TOX: variants seen among roughly 807,000 people sequenced by gnomAD.
The protein encoded by TOX is thymocyte selection associated high mobility group box, also known as thymocyte selection-associated high mobility group box protein TOX.
TOX carries 11 observed loss-of-function variants against 53.7 expected under a neutral mutation model. The observed-to-expected ratio is 0.20, with a 90% CI of 0.13 to 0.34. The LOEUF is 0.34. TOX is among the 10% of genes least tolerant of loss of function. TOX has a pLI of 1.00. For missense variants in TOX, 570 were observed against 664.6 expected, an observed-to-expected ratio of 0.86 and a Z score of 1.56; for synonymous variants, 225 against 245.3, an observed-to-expected ratio of 0.92 and a Z score of 0.77.
intron 1 of TOX, among the ~76,000 whole-genome samples, chr8:59,069,419 A>G (rs545492027): frequency 2.8e-4 from 43 of 152,318 alleles, no homozygotes; most frequent in African/African-American, 1.0e-3. Flanking sequence ...GATGCAGGAT[A>G]TTGAATTATA....
At chr8:58,940,890 T>G (rs1812426424) in intron 2 of TOX, among the ~76,000 whole-genome samples, 1 of 152,154 alleles carries the variant, frequency 6.6e-6, no homozygotes, top group Admixed American at 6.5e-5. Context: ...TTTGTTTAGG[T>G]GCCATCAGAA....
chr8:59,049,335 C>T (rs1167118966), intron 1 of TOX, among the ~76,000 whole-genome samples: 13 of 152,094 alleles, frequency 8.5e-5, no homozygotes, highest in African/African-American at 3.1e-4. Flanking sequence ...CTCTCCTCTT[C>T]GTTGGATCAC....
intron 1 of TOX, among the ~76,000 whole-genome samples, chr8:59,002,369 G>A (rs1813705943): frequency 6.6e-6 from 1 of 151,380 alleles, no homozygotes; most frequent in Non-Finnish European, 1.5e-5. Flanking sequence ...GAGGAGGGCG[G>A]ATCACGAGGT....
At chr8:58,846,889 G>A (rs557827930) in intron 4 of TOX, among the ~76,000 whole-genome samples, 7 of 152,216 alleles carry the variant, frequency 4.6e-5, no homozygotes, top group Non-Finnish European at 8.8e-5. Flanking sequence ...ACATTCCCTT[G>A]TATGTGACCT....
At chr8:58,976,456 T>C (rs1017840942) in intron 1 of TOX, among the ~76,000 whole-genome samples, 8 of 152,234 alleles carry the variant, frequency 5.3e-5, no homozygotes, top group African/African-American at 1.7e-4. Flanking sequence ...GCTGCTTCTA[T>C]GGAAGTCTTG....
At chr8:58,885,163 T>C (rs1811444933) in intron 3 of TOX, among the ~76,000 whole-genome samples, 1 of 152,194 alleles carries the variant, frequency 6.6e-6, no homozygotes, top group African/African-American at 2.4e-5. Flanking sequence ...ATATGTGATG[T>C]ATATTTATTT....
At chr8:58,962,754 T>G (rs1223047883) in intron 1 of TOX, among the ~76,000 whole-genome samples, 1 of 152,164 alleles carries the variant, frequency 6.6e-6, no homozygotes, top group Non-Finnish European at 1.5e-5. Flanking sequence ...TGCAGGTATA[T>G]TATCCAGAAT....
At chr8:59,046,345 T>C (rs1487391338) in intron 1 of TOX, among the ~76,000 whole-genome samples, 1 of 152,264 alleles carries the variant, frequency 6.6e-6, no homozygotes, top group South Asian at 2.1e-4. Context: ...GATTTAAAAA[T>C]CCCTGTTATT....
intron 1 of TOX, among the ~76,000 whole-genome samples, chr8:59,031,198 G>A (rs1455474543): frequency 6.6e-6 from 1 of 152,132 alleles, no homozygotes; most frequent in Admixed American, 6.5e-5. Context: ...AGGCATTATA[G>A]AAAATAATAA....
At chr8:58,834,625 G>A (rs1330150547) in intron 5 of TOX, among the ~76,000 whole-genome samples, 1 of 152,222 alleles carries the variant, frequency 6.6e-6, no homozygotes, top group Non-Finnish European at 1.5e-5. Flanking sequence ...ATGCCCAAAT[G>A]TGCATTTCAG....
chr8:59,000,258 G>C (rs1335918249), intron 1 of TOX, among the ~76,000 whole-genome samples: 2 of 152,090 alleles, frequency 1.3e-5, no homozygotes, highest in African/African-American at 4.8e-5. Flanking sequence ...CAAATTGATT[G>C]GCAGCAAGGG....
intron 1 of TOX, among the ~76,000 whole-genome samples, chr8:58,969,825 A>G (rs553145738): frequency 1.1e-4 from 17 of 152,344 alleles, no homozygotes; most frequent in African/African-American, 3.6e-4. Context: ...CAAAACTGGA[A>G]GACTTGCTGG....
At chr8:58,849,612 C>T (rs1030436830) in intron 4 of TOX, among the ~76,000 whole-genome samples, 14 of 152,112 alleles carry the variant, frequency 9.2e-5, no homozygotes, top group Admixed American at 7.2e-4. Context: ...CTCTTCTACT[C>T]ATATAAGTGG....
intron 3 of TOX, among the ~76,000 whole-genome samples, chr8:58,883,724 T>C (rs1811423468): frequency 6.6e-6 from 1 of 151,840 alleles, no homozygotes; most frequent in South Asian, 2.1e-4. Flanking sequence ...TTCATTCGTA[T>C]GTTTTTTTTT....
chr8:58,910,234 A>T (rs1811886740), intron 3 of TOX, among the ~76,000 whole-genome samples: 1 of 152,238 alleles, frequency 6.6e-6, no homozygotes, highest in African/African-American at 2.4e-5. Context: ...AGCCTACACA[A>T]ATATTATTGA....
chr8:58,856,366 C>T (rs1810916065), intron 3 of TOX, among the ~76,000 whole-genome samples: 1 of 151,780 alleles, frequency 6.6e-6, no homozygotes, highest in African/African-American at 2.4e-5. Context: ...TTTTCAATCC[C>T]TCTTGAGATA....
intron 2 of TOX, among the ~76,000 whole-genome samples, chr8:58,942,606 T>A (rs921173015): frequency 6.6e-6 from 1 of 152,180 alleles, no homozygotes; most frequent in African/African-American, 2.4e-5. Context: ...GCCAGGCTAA[T>A]TACTTATTAT....
chr8:59,071,572 A>AT (rs1804197940), intron 1 of TOX, among the ~76,000 whole-genome samples: 1 of 152,214 alleles, frequency 6.6e-6, no homozygotes, highest in Non-Finnish European at 1.5e-5. Context: ...AAACTCATTA[A>AT]TTTTAGAATT....
chr8:58,862,013 T>C (rs1195958471), intron 3 of TOX, among the ~76,000 whole-genome samples: 7 of 152,180 alleles, frequency 4.6e-5, no homozygotes, highest in Non-Finnish European at 1.5e-5. Flanking sequence ...AGAATACTTG[T>C]ATGCCCCAAC....
Sources: gnomAD v4.1 joint callset for allele counts (sites outside exome capture counted in the v4.1 genomes callset) on GRCh38, gnomAD v4.1.1 for gene constraint, MANE v1.5 for transcripts, NCBI Gene and HGNC (gene_info 2026-07-23, HGNC 2026-07-21) for gene names.